The following STRN3 variants were observed in gnomAD, a reference collection of about 807,000 sequenced individuals.
STRN3 encodes the protein striatin-3.
Under a neutral mutation model 95.6 loss-of-function variants are expected in STRN3, and 29 were observed. The observed-to-expected ratio is 0.30, with a 90% CI of 0.23 to 0.41. The LOEUF (loss-of-function observed/expected upper bound fraction) is 0.41, where lower values mean the gene tolerates loss of function less well. Among genes scored for constraint, STRN3 ranks in the 10% least tolerant of loss-of-function variants. The pLI is 1.00. For missense variants in STRN3, 890 were observed against 972.1 expected (o/e 0.92, Z 1.12); for synonymous variants, 331 against 357.6 (o/e 0.93, Z 0.84).
At chr14:30,929,979 A>AACAAAAAAAAAAAC (rs1566441550) in intron 7 of STRN3, among the ~76,000 whole-genome samples, 2 of 147,382 alleles carry the variant, frequency 1.4e-5, no homozygotes, top group African/African-American at 5.0e-5. Context: ...AAAAAAAAAA[A>AACAAAAAAAAAAAC]CTCAAATTCC....
In STRN3 at chr14:30,980,702, T is replaced by C. The variant is rs1475414425; in HGVS notation, c.283-24460A>G. Among the ~76,000 whole-genome samples, 3 of 152,136 alleles carry C rather than the reference T, an allele frequency of 2.0e-5. No homozygotes were observed. In the East Asian group the frequency reaches 5.8e-4, roughly 29 times the overall value. On this transcript the variant is annotated intron_variant, in intron 1 of 17. Transcript: ENST00000357479. The stretch of plus-strand genomic sequence containing the variant: ...AGGCGTGACCCACCGCACCCGGCCC[T>C]ATTTTGCGATGTTTCTTAAAAAACA...
chr14:31,008,981 A>G (rs2139313596), intron 1 of STRN3, among the ~76,000 whole-genome samples: 1 of 152,004 alleles, frequency 6.6e-6, no homozygotes, highest in East Asian at 1.9e-4. Context: ...TTAGGTTGCA[A>G]TGAGCCGTGA....
intron 1 of STRN3, among the ~76,000 whole-genome samples, chr14:31,004,739 C>G (rs756015496): frequency 3.9e-5 from 6 of 151,980 alleles, no homozygotes; most frequent in Non-Finnish European, 7.4e-5. Flanking sequence ...CGCCATTGCA[C>G]TGCAGCCTGG....
In STRN3 at chr14:30,969,323, G is replaced by A. The variant is rs138687219; in HGVS notation, c.283-13081C>T. Among the ~76,000 whole-genome samples, 305 of 152,068 alleles carry A rather than the reference G, an allele frequency of 2.0e-3. 2 individuals are homozygous for A. The highest frequency in any genetic ancestry group is 3.5e-3 in the South Asian group (17 of 4,798). On this transcript the variant is annotated intron_variant, in intron 1 of 17. Coordinates refer to ENST00000357479, the MANE Select transcript of STRN3 (RefSeq NM_001083893.2). ...ATGGTGGCAGGTGCCTTTAGTGCCA[G>A]CTACTCGGGAGGCTAAGGCAGGAGA...
At chr14:30,991,655 G>A (rs1201506492) in intron 1 of STRN3, among the ~76,000 whole-genome samples, 4 of 152,146 alleles carry the variant, frequency 2.6e-5, no homozygotes, top group African/African-American at 4.8e-5. Flanking sequence ...CTTTACCAGA[G>A]TTTAGGGAAA....
rs780956362 is a variant in STRN3 at position 30,919,026 on chromosome 14, T to A, written c.1180A>T (p.Asn394Tyr). Residue 394 changes from asparagine to tyrosine, a missense_variant, in exon 9 of 18, where the codon AAT (asparagine) becomes TAT (tyrosine). By Grantham distance (143) the Asn-to-Tyr change is moderately radical (BLOSUM62 -2). Transcript: ENST00000357479. ...CTAGTAGAGGCTGACCTAGACTGAT[T>A]AATGATTCCTGAAGGGATGTGGGGC... ...ELPHIPSGII[N>Y]QSRSASTRMT... is the part of the protein sequence containing the mutation. 1.2e-6 allele frequency: 2 copies of A among 1,612,510 alleles called. No individual in the cohort carries two copies. The highest frequency in any genetic ancestry group is 2.2e-5 in the South Asian group (2 of 90,922).
chr14:30,918,003 G>A (rs765833194), intron 9 of STRN3, among the ~76,000 whole-genome samples: 1 of 151,976 alleles, frequency 6.6e-6, no homozygotes, highest in Non-Finnish European at 1.5e-5. Context: ...CATGATTCAA[G>A]TATACCCATA....
At position 30,895,546 on chromosome 14, in the gene STRN3, G is replaced by A; in HGVS notation, c.2259C>T (p.Asp753=). ...TTATTTCTTGCACACATGTCTTGCT[G>A]TCTAAATTCCATAATCTGATGGAAC... ...HDCSIRLWNL[D]SKTCVQEITA... is the part of the protein sequence containing the mutation. The change falls in exon 18 of 18, where the codon GAC becomes GAT. Residue 753 remains aspartate (D), a synonymous_variant. Transcript: ENST00000357479. 1.9e-6 allele frequency: 3 copies of A among 1,613,862 alleles called. No individual in the cohort carries two copies. The highest frequency in any genetic ancestry group is 2.2e-5 in the East Asian group (1 of 44,876).
At chr14:31,004,243 C>T (rs940528186) in intron 1 of STRN3, among the ~76,000 whole-genome samples, 1 of 151,590 alleles carries the variant, frequency 6.6e-6, no homozygotes, top group Non-Finnish European at 1.5e-5. Context: ...ACCATGATCA[C>T]ACTGCCACAC....
intron 7 of STRN3, among the ~76,000 whole-genome samples, chr14:30,931,428 C>T (rs1008413544): frequency 6.6e-6 from 1 of 152,108 alleles, no homozygotes; most frequent in East Asian, 1.9e-4. Context: ...AAGTTGACTC[C>T]TGACAGCTCA....
chr14:30,968,022 C>T (rs1287351391), intron 1 of STRN3, among the ~76,000 whole-genome samples: 1 of 152,158 alleles, frequency 6.6e-6, no homozygotes, highest in Non-Finnish European at 1.5e-5. Flanking sequence ...AACGTGTGAG[C>T]TATTTGCACT....
intron 1 of STRN3, among the ~76,000 whole-genome samples, chr14:31,011,499 A>G (rs1882967239): frequency 6.6e-6 from 1 of 152,114 alleles, no homozygotes; most frequent in African/African-American, 2.4e-5. Context: ...AAAAATTAAC[A>G]GGGCGTGGTG....
At chr14:30,999,687 A>G (rs984582394) in intron 1 of STRN3, among the ~76,000 whole-genome samples, 2 of 152,226 alleles carry the variant, frequency 1.3e-5, no homozygotes, top group African/African-American at 4.8e-5. Flanking sequence ...GTGGGACACC[A>G]TTAAGTATAC....
chr14:30,928,560 A>C (rs1030584045), intron 8 of STRN3, among the ~76,000 whole-genome samples: 2 of 152,234 alleles, frequency 1.3e-5, no homozygotes, highest in Admixed American at 1.3e-4. Context: ...GCAGATTTAC[A>C]TTTTAATAAG....
chr14:30,936,864 T>C (rs1196027163), intron 5 of STRN3, among the ~76,000 whole-genome samples: 1 of 152,218 alleles, frequency 6.6e-6, no homozygotes, highest in African/African-American at 2.4e-5. Context: ...AGGTAATTAC[T>C]GCAACAAAAT....
intron 1 of STRN3, among the ~76,000 whole-genome samples, chr14:30,960,714 A>G (rs2139159783): frequency 6.6e-6 from 1 of 151,916 alleles, no homozygotes; most frequent in South Asian, 2.1e-4. Context: ...CTAAAAATAC[A>G]AAAAATTAGC....
At chr14:31,011,119 A>AT (rs1393319467) in intron 1 of STRN3, among the ~76,000 whole-genome samples, 1 of 152,214 alleles carries the variant, frequency 6.6e-6, no homozygotes, top group Non-Finnish European at 1.5e-5. Flanking sequence ...CAAAATTATA[A>AT]TCTAATAAAA....
At chr14:31,025,782 G>C (rs78648016) in intron 1 of STRN3, 122 bp downstream of exon 1, 1 of 1,366,278 alleles carries the variant, frequency 7.3e-7, no homozygotes, top group Non-Finnish European at 9.9e-7. Flanking sequence ...AACCTGAGCA[G>C]CACAGGTAGG....
chr14:30,947,307 G>A, intron 4 of STRN3, 44 bp from the exon 5 acceptor site: 1 of 1,438,566 alleles, frequency 7.0e-7, no homozygotes, highest in Non-Finnish European at 9.3e-7. Context: ...CTGTTAACAT[G>A]TGCCAGACTC....
Sources: gnomAD v4.1 joint callset for allele counts (sites outside exome capture counted in the v4.1 genomes callset) on GRCh38, gnomAD v4.1.1 for gene constraint, MANE v1.5 for transcripts, NCBI Gene and HGNC (gene_info 2026-07-23, HGNC 2026-07-21) for gene names.